Variants in GALNTL6 observed in about 807,000 individuals in gnomAD.
The protein encoded by GALNTL6 is polypeptide N-acetylgalactosaminyltransferase-like 6.
GALNTL6 carries 46 observed loss-of-function variants against 73.7 expected under a neutral mutation model. That is an observed-to-expected ratio of 0.62 (90% CI 0.49 to 0.80). The LOEUF (loss-of-function observed/expected upper bound fraction) is 0.80. GALNTL6 is among the 30% of genes least tolerant of loss of function. GALNTL6 has a pLI of 0.00. For missense variants in GALNTL6, 604 were observed against 755.0 expected (o/e 0.80, Z 2.34); for synonymous variants, 259 against 263.7 (o/e 0.98, Z 0.17).
Position 172,273,737 on chromosome 4 carries a change from G to C in GALNTL6, c.248-37877G>C, listed in dbSNP as rs150061591. 2.5e-3 allele frequency among the ~76,000 whole-genome samples: 386 copies of C among 152,270 alleles called. 1 individual carries two copies. Among genetic ancestry groups the C allele is most frequent in the African/African-American group, 4.3e-3 (180 of 41,548 alleles). On this transcript the variant is annotated intron_variant, in intron 3 of 12. Coordinates refer to ENST00000506823, the MANE Select transcript of GALNTL6 (RefSeq NM_001034845.3). ...ATGAAACGAGAGTGACCTGTGCAGA[G>C]AGCTGTAAGGCAAACTAGTGGGACC... is the stretch of plus-strand genomic sequence containing the variant.
At chr4:172,173,809 C>T (rs1734907840) in intron 2 of GALNTL6, among the ~76,000 whole-genome samples, 1 of 151,976 alleles carries the variant, frequency 6.6e-6, no homozygotes, top group Non-Finnish European at 1.5e-5. Context: ...GTATTTGAGT[C>T]AGAAGAAGCA....
intron 5 of GALNTL6, among the ~76,000 whole-genome samples, chr4:172,524,707 T>C (rs1646210456): frequency 6.6e-6 from 1 of 152,228 alleles, no homozygotes; most frequent in Non-Finnish European, 1.5e-5. Flanking sequence ...GGTGCTAATA[T>C]CTTCTTCCAG....
At chr4:172,065,687 G>A (rs13106245) in intron 2 of GALNTL6, among the ~76,000 whole-genome samples, 65,388 of 151,912 alleles carry the variant, frequency 0.43, 15,275 homozygotes, top group East Asian at 0.76. Flanking sequence ...CCATTCTCAC[G>A]CTGCTATGAA....
At chr4:172,014,623 A>G (rs1158850589) in intron 2 of GALNTL6, among the ~76,000 whole-genome samples, 2 of 151,620 alleles carry the variant, frequency 1.3e-5, no homozygotes, top group African/African-American at 4.8e-5. Flanking sequence ...TTCTCTAGTT[A>G]CTTGAGGTGT....
intron 5 of GALNTL6, among the ~76,000 whole-genome samples, chr4:172,495,635 T>G (rs574378808): frequency 5.8e-4 from 88 of 152,294 alleles, no homozygotes; most frequent in Non-Finnish European, 1.0e-3. Flanking sequence ...CTTCAGCCTC[T>G]AAAGGTGGAG....
intron 3 of GALNTL6, among the ~76,000 whole-genome samples, chr4:172,306,716 T>C (rs1740154230): frequency 6.6e-6 from 1 of 152,232 alleles, no homozygotes; most frequent in Non-Finnish European, 1.5e-5. Context: ...ATACGATGTT[T>C]GATTTTCCAT....
At chr4:172,280,966 C>T (rs1165626155) in intron 3 of GALNTL6, among the ~76,000 whole-genome samples, 3 of 151,294 alleles carry the variant, frequency 2.0e-5, no homozygotes, top group Non-Finnish European at 2.9e-5. Flanking sequence ...CAAGACCATC[C>T]TGGCTAACGT....
At chr4:172,483,352 G>T (rs1399698543) in intron 5 of GALNTL6, among the ~76,000 whole-genome samples, 1 of 152,138 alleles carries the variant, frequency 6.6e-6, no homozygotes, top group Non-Finnish European at 1.5e-5. Context: ...AGAACATTGT[G>T]AAGGGAGTGC....
At chr4:171,830,853 A>T (rs1734950160) in intron 2 of GALNTL6, among the ~76,000 whole-genome samples, 1 of 152,166 alleles carries the variant, frequency 6.6e-6, no homozygotes, top group African/African-American at 2.4e-5. Flanking sequence ...TTCTTCAATT[A>T]TGCAATTTCT....
chr4:172,974,500 C>T (rs1033642126), intron 10 of GALNTL6, among the ~76,000 whole-genome samples: 7 of 152,184 alleles, frequency 4.6e-5, no homozygotes, highest in Non-Finnish European at 7.3e-5. Context: ...ATTCTGAAAA[C>T]GTGTATGAAA....
At chr4:172,035,822 A>G (rs1214480343) in intron 2 of GALNTL6, among the ~76,000 whole-genome samples, 4 of 152,168 alleles carry the variant, frequency 2.6e-5, no homozygotes, top group African/African-American at 9.6e-5. Flanking sequence ...GTTGTCAACT[A>G]GAGAAATGAC....
intron 2 of GALNTL6, among the ~76,000 whole-genome samples, chr4:172,002,822 A>G (rs1159377396): frequency 6.6e-6 from 1 of 152,152 alleles, no homozygotes; most frequent in Non-Finnish European, 1.5e-5. Flanking sequence ...TGGAGCTCCC[A>G]CAGAACACGT....
chr4:172,821,511 T>A (rs1741926596), intron 7 of GALNTL6, among the ~76,000 whole-genome samples: 1 of 152,216 alleles, frequency 6.6e-6, no homozygotes, highest in Admixed American at 6.5e-5. Flanking sequence ...ATTGCCTTGC[T>A]CCCCATACTG....
At chr4:172,736,980 G>A (rs1383062482) in intron 5 of GALNTL6, among the ~76,000 whole-genome samples, 1 of 152,128 alleles carries the variant, frequency 6.6e-6, no homozygotes, top group Non-Finnish European at 1.5e-5. Flanking sequence ...ATGATTGTGA[G>A]GCATCCCCAG....
chr4:172,079,885 T>G (rs1731826087), intron 2 of GALNTL6, among the ~76,000 whole-genome samples: 1 of 152,112 alleles, frequency 6.6e-6, no homozygotes, highest in East Asian at 1.9e-4. Flanking sequence ...AAAATTTGAT[T>G]GATACTAGTT....
chr4:172,326,310 C>T (rs1416437456), intron 4 of GALNTL6, among the ~76,000 whole-genome samples: 3 of 151,868 alleles, frequency 2.0e-5, no homozygotes, highest in African/African-American at 4.8e-5. Context: ...CAAATAATAT[C>T]TTACTGGATT....
intron 8 of GALNTL6, among the ~76,000 whole-genome samples, chr4:172,889,055 C>T (rs568717997): frequency 6.6e-6 from 1 of 152,218 alleles, no homozygotes; most frequent in Admixed American, 6.5e-5. Context: ...ATTCAACTCT[C>T]AGCTTGAATG....
chr4:172,993,662 C>A (rs1406672988), intron 10 of GALNTL6, among the ~76,000 whole-genome samples: 2 of 152,228 alleles, frequency 1.3e-5, no homozygotes, highest in African/African-American at 4.8e-5. Context: ...CTGTTCGCTT[C>A]CCTCAAAACC....
chr4:172,924,435 T>C (rs1408212597), intron 8 of GALNTL6, among the ~76,000 whole-genome samples: 1 of 152,180 alleles, frequency 6.6e-6, no homozygotes, highest in Admixed American at 6.5e-5. Flanking sequence ...TGGCACCTAG[T>C]GAGTGCTCAC....
Sources: gnomAD v4.1 joint callset for allele counts (sites outside exome capture counted in the v4.1 genomes callset) on GRCh38, gnomAD v4.1.1 for gene constraint, MANE v1.5 for transcripts, NCBI Gene and HGNC (gene_info 2026-07-23, HGNC 2026-07-21) for gene names.